The following POLR2M variants were observed in gnomAD, a reference collection of about 807,000 sequenced individuals.
The protein encoded by POLR2M is protein GRINL1A.
Under a neutral mutation model 34.6 loss-of-function variants are expected in POLR2M, and 30 were observed. That is an observed-to-expected ratio of 0.87 (90% CI 0.65 to 1.18). POLR2M has a LOEUF of 1.18. Among genes scored for constraint, POLR2M ranks in the 50% most tolerant of loss-of-function variants. POLR2M has a pLI of 0.00. For missense variants in POLR2M, 432 were observed against 448.7 expected, an observed-to-expected ratio of 0.96 and a Z score of 0.34; for synonymous variants, 150 against 166.7, an observed-to-expected ratio of 0.90 and a Z score of 0.77.
In POLR2M at chr15:57,715,680, G is replaced by A. The variant is rs1297879609; in HGVS notation, c.*1001G>A. 3 of 152,008 alleles carry A rather than the reference G, an allele frequency of 2.0e-5. No homozygotes were observed. Among genetic ancestry groups the A allele is most frequent in the African/African-American group, 7.2e-5 (3 of 41,434 alleles). 9.4% of individuals were successfully genotyped at this position (152,008 alleles called of 1,614,324 possible). A position where few individuals can be genotyped will look rare whatever the true frequency, so the allele number is the denominator to read the frequency against. On this transcript the variant is annotated 3_prime_UTR_variant, in exon 4 of 4. Coordinates refer to ENST00000299638, the MANE Select transcript of POLR2M (RefSeq NM_015532.5). The stretch of plus-strand genomic sequence containing the variant: ...AGAAGCTTCAGTCCCATATATAAAC[G>A]TTCATGTCATTTTAGAGGATTATAT...
chr15:57,712,236 A>G (rs148307484), intron 3 of POLR2M, 48 bp downstream of exon 3: 277 of 1,599,698 alleles, frequency 1.7e-4, no homozygotes, highest in African/African-American at 1.6e-3. Context: ...TGCTGCTTAC[A>G]TAAGCTAGAA....
intron 2 of POLR2M, 41 bp downstream of exon 2, chr15:57,709,399 A>G (rs2040623608): frequency 1.3e-6 from 2 of 1,565,010 alleles, no homozygotes; most frequent in African/African-American, 1.4e-5. Flanking sequence ...GGAACGTGAT[A>G]TTTGTTAAAC....
At position 57,707,145 on chromosome 15, in the gene POLR2M, C is replaced by T. The variant is rs1260630180; in HGVS notation, c.113+190C>T. On this transcript the variant is annotated intron_variant, in intron 1 of 3. Coordinates refer to ENST00000299638, the MANE Select transcript of POLR2M (RefSeq NM_015532.5). ...AGCCGTGCCTCTTCCTGGCCAGGCA[C>T]GTATGCCTGCGAGGATAGCTCGGAT... 5.9e-6 allele frequency: 9 copies of T among 1,527,706 alleles called. No homozygotes were observed. In the Admixed American group the frequency reaches 1.4e-4, roughly 24 times the overall value. 94.6% of individuals were successfully genotyped at this position (1,527,706 alleles called of 1,614,324 possible). A position where few individuals can be genotyped will look rare whatever the true frequency, so the allele number is the denominator to read the frequency against.
At position 57,709,200 on chromosome 15, in the gene POLR2M, C is replaced by T. The variant is rs2040613664; in HGVS notation, c.600C>T (p.Thr200=). The part of the protein sequence containing the change: ...NLFIDRLQRI[T]IADQGEQQSE... ...TTATTGACAGGTTACAGAGGATCAC[C>T]ATTGCGGACCAAGGTGAACAACAGT... The change falls in exon 2 of 4, where the codon ACC becomes ACT. Residue 200 remains threonine (T), a synonymous_variant. Transcript: ENST00000299638. 1 of 1,614,188 alleles carries T rather than the reference C, an allele frequency of 6.2e-7. No homozygotes were observed. Among genetic ancestry groups the T allele is most frequent in the Non-Finnish European group, 8.5e-7 (1 of 1,180,042 alleles).
In POLR2M at chr15:57,714,683, T is replaced by C. The variant is rs1476103396; in HGVS notation, c.*4T>C. 1 of 1,610,222 alleles carries C rather than the reference T, an allele frequency of 6.2e-7. No individual in the cohort carries two copies. Among genetic ancestry groups the C allele is most frequent in the Admixed American group, 1.7e-5 (1 of 59,526 alleles). ...TTGGTCCTCTGATGAATTCTGAAGA[T>C]AATCTCCTAAATCACTGACGTTGAG... is the stretch of plus-strand genomic sequence containing the variant. On this transcript the variant is annotated 3_prime_UTR_variant, in exon 4 of 4. Coordinates refer to ENST00000299638, the MANE Select transcript of POLR2M (RefSeq NM_015532.5).
rs192684117 is a variant in POLR2M at position 57,711,242 on chromosome 15, T to C, written c.759-742T>C. 1.9e-3 allele frequency among the ~76,000 whole-genome samples: 285 copies of C among 152,342 alleles called. 1 individual carries two copies. The highest frequency in any genetic ancestry group is 6.5e-3 in the African/African-American group (272 of 41,570). Reference sequence around the variant, plus strand: ...TTGATCTTCATCTCTATAATTGTTCTTCATCTTCTGTCGAAGTGAAGACTC... The same window carrying C: ...TTGATCTTCATCTCTATAATTGTTCCTCATCTTCTGTCGAAGTGAAGACTC... On this transcript the variant is annotated intron_variant, in intron 2 of 3. Coordinates refer to ENST00000299638, the MANE Select transcript of POLR2M (RefSeq NM_015532.5).
At chr15:57,710,199 A>C (rs2040655016) in intron 2 of POLR2M, among the ~76,000 whole-genome samples, 2 of 152,242 alleles carry the variant, frequency 1.3e-5, no homozygotes, top group South Asian at 4.1e-4. Flanking sequence ...AAAAACTGTG[A>C]AAATAGATTC....
At position 57,708,775 on chromosome 15, in the gene POLR2M, A is replaced by C. The variant is rs376259791; in HGVS notation, c.175A>C (p.Lys59Gln). The C allele has an allele frequency of 2.0e-5, 32 of 1,608,612 alleles. No individual in the cohort carries two copies. The highest frequency in any genetic ancestry group is 2.5e-5 in the Non-Finnish European group (30 of 1,178,572). The change falls in exon 2 of 4, where the codon AAA (lysine) becomes CAA (glutamine). Residue 59 changes from lysine (K) to glutamine (Q), a missense_variant. Physicochemically the swap from Lys to Gln is moderately conservative, Grantham distance 53. Coordinates refer to ENST00000299638, the MANE Select transcript of POLR2M (RefSeq NM_015532.5). ...KKIFDSFAKL[K>Q]AAIAECEEVR... Reference sequence around the variant, plus strand: ...GATCTTTGACTCTTTTGCCAAACTGAAAGCTGCCATTGCAGAATGTGAAGA... The same window carrying C: ...GATCTTTGACTCTTTTGCCAAACTGCAAGCTGCCATTGCAGAATGTGAAGA...
At position 57,708,895 on chromosome 15, in the gene POLR2M, G is replaced by A; in HGVS notation, c.295G>A (p.Ala99Thr). ...AGAAGTTGATGTGGGTACAGATAAG[G>A]CCCAGAATTCTGACCCGATACTTGA... The part of the protein sequence containing the change: ...IAEVDVGTDK[A>T]QNSDPILDTS... Residue 99 changes from alanine (A) to threonine (T), a missense_variant, in exon 2 of 4, where the codon GCC becomes ACC. Ala to Thr is a moderately conservative substitution (Grantham distance 58, BLOSUM62 0). Coordinates refer to ENST00000299638, the MANE Select transcript of POLR2M (RefSeq NM_015532.5). 1 of 1,614,030 alleles carries A rather than the reference G, an allele frequency of 6.2e-7. No individual in the cohort carries two copies. The highest frequency in any genetic ancestry group is 8.5e-7 in the Non-Finnish European group (1 of 1,179,928).
intron 2 of POLR2M, among the ~76,000 whole-genome samples, chr15:57,709,803 C>G (rs957222225): frequency 1.3e-5 from 2 of 151,936 alleles, no homozygotes; most frequent in African/African-American, 4.8e-5. Flanking sequence ...TTCTTTTTTT[C>G]AGAACCATTT....
intron 1 of POLR2M, 168 bp downstream of exon 1, chr15:57,707,123 C>A (rs1454432479): frequency 1.3e-6 from 2 of 1,541,050 alleles, no homozygotes; most frequent in African/African-American, 1.4e-5. Context: ...GCGGCAGAGC[C>A]GTGCCTCTTC....
At chr15:57,708,095 G>T (rs1402096833) in intron 1 of POLR2M, among the ~76,000 whole-genome samples, 1 of 152,126 alleles carries the variant, frequency 6.6e-6, no homozygotes, top group African/African-American at 2.4e-5. Context: ...TTAACTTTTT[G>T]GTCTCAGGAC....
In POLR2M at chr15:57,716,906, C is replaced by A. The variant is rs1243141744; in HGVS notation, c.*2227C>A. Reference sequence around the variant, plus strand: ...AATGGATAAATGTCCTTATTTTCTTCTAGTATTTTCTTATTTCACTTTTAC... The same window carrying A: ...AATGGATAAATGTCCTTATTTTCTTATAGTATTTTCTTATTTCACTTTTAC... On this transcript the variant is annotated 3_prime_UTR_variant, in exon 4 of 4. Coordinates refer to ENST00000299638, the MANE Select transcript of POLR2M (RefSeq NM_015532.5). 6.6e-6 allele frequency: 1 copy of A among 152,030 alleles called. No homozygotes were observed. The highest frequency in any genetic ancestry group is 1.5e-5 in the Non-Finnish European group (1 of 67,996). The allele number at this position is 152,030 out of a possible 1,614,324, so 9.4% of individuals were successfully genotyped here.
intron 1 of POLR2M, chr15:57,707,520 G>C (rs2040543435): frequency 2.1e-6 from 1 of 476,468 alleles, no homozygotes. Flanking sequence ...ATAAAAAGCA[G>C]AAGACAGTAG....
rs1222563572 is a variant in POLR2M at position 57,715,501 on chromosome 15, G to C, written c.*822G>C. 1.3e-5 allele frequency: 2 copies of C among 152,148 alleles called. No homozygotes were observed. The highest frequency in any genetic ancestry group is 6.5e-5 in the Admixed American group (1 of 15,280). 9.4% of individuals were successfully genotyped at this position (152,148 alleles called of 1,614,324 possible). A position where few individuals can be genotyped will look rare whatever the true frequency, so the allele number is the denominator to read the frequency against. ...CCCAAGCTAACTGAGCTGGGTGAAG[G>C]CTTGTGCATCACCTGGCTTGAGTTC... On this transcript the variant is annotated 3_prime_UTR_variant, in exon 4 of 4. Coordinates refer to ENST00000299638, the MANE Select transcript of POLR2M (RefSeq NM_015532.5).
chr15:57,717,117 T>C lies in POLR2M; in HGVS notation c.*2438T>C, dbSNP rs1317549474. ...GTATGTGAAACCACCATTTCCCCTC[T>C]GATTAGTAATGCTATTTTTATAGAA... is the stretch of plus-strand genomic sequence containing the variant. On this transcript the variant is annotated 3_prime_UTR_variant, in exon 4 of 4. Coordinates refer to ENST00000299638, the MANE Select transcript of POLR2M (RefSeq NM_015532.5). 6.6e-6 allele frequency: 1 copy of C among 152,234 alleles called. No individual in the cohort carries two copies. The highest frequency in any genetic ancestry group is 1.5e-5 in the Non-Finnish European group (1 of 68,032). The allele number at this position is 152,234 out of a possible 1,614,324, so 9.4% of individuals were successfully genotyped here.
intron 1 of POLR2M, 51 bp downstream of exon 1, chr15:57,707,006 C>T (rs546122446): frequency 5.2e-6 from 8 of 1,552,372 alleles, no homozygotes; most frequent in Non-Finnish European, 7.0e-6. Flanking sequence ...GCTCGAGCTC[C>T]CTGGGCGCTC....
intron 3 of POLR2M, 102 bp from the exon 4 acceptor site, chr15:57,714,434 G>A: frequency 4.5e-6 from 7 of 1,555,146 alleles, no homozygotes; most frequent in Non-Finnish European, 6.1e-6. Context: ...TCAGTGAGGT[G>A]TCAGTGTCCC....
intron 3 of POLR2M, among the ~76,000 whole-genome samples, chr15:57,714,240 T>A (rs972572359): frequency 1.3e-5 from 2 of 152,330 alleles, no homozygotes; most frequent in East Asian, 3.9e-4. Context: ...CATCTGTATT[T>A]ATAAGTATTG....
Sources: gnomAD v4.1 joint callset for allele counts (sites outside exome capture counted in the v4.1 genomes callset) on GRCh38, gnomAD v4.1.1 for gene constraint, MANE v1.5 for transcripts, NCBI Gene and HGNC (gene_info 2026-07-23, HGNC 2026-07-21) for gene names.